The following KIF26A variants were observed in gnomAD, a reference collection of about 807,000 sequenced individuals.
KIF26A encodes kinesin family member 26A.
A neutral mutation model predicts 126.0 loss-of-function variants in KIF26A; 74 were observed. The ratio of observed to expected loss-of-function variants is 0.59; its 90% CI spans 0.49 to 0.71. The LOEUF (loss-of-function observed/expected upper bound fraction) is 0.71. Ranked by LOEUF, KIF26A falls within the 30% of genes least tolerant of loss-of-function variation. KIF26A has a pLI of 0.00. For missense variants in KIF26A, 2,984 were observed against 2,763.3 expected, an observed-to-expected ratio of 1.08 and a Z score of -1.79; for synonymous variants, 1,445 against 1,232.7, an observed-to-expected ratio of 1.17 and a Z score of -3.61.
At position 104,149,519 on chromosome 14, in the gene KIF26A, G is replaced by A. The variant is rs960691971; in HGVS notation, c.289-2496G>A. ...CCTCCAGCACTGGCCCCCAACACCTGGGACTTGGATGCCCGGAGCTCCGAG... is the reference window on the plus strand; with the variant it reads ...CCTCCAGCACTGGCCCCCAACACCTAGGACTTGGATGCCCGGAGCTCCGAG... On this transcript the variant is annotated intron_variant, in intron 2 of 14. Coordinates refer to ENST00000423312, the MANE Select transcript of KIF26A (RefSeq NM_015656.2). 2.0e-5 allele frequency among the ~76,000 whole-genome samples: 3 copies of A among 152,308 alleles called. No homozygotes were observed. The East Asian group carries it at 5.8e-4, about 29-fold the overall frequency.
At chr14:104,161,167 T>C (rs1169220354) in intron 4 of KIF26A, among the ~76,000 whole-genome samples, 4 of 152,222 alleles carry the variant, frequency 2.6e-5, no homozygotes, top group South Asian at 2.1e-4. Context: ...GAGGGGCTGA[T>C]GCCTCAGTCT....
chr14:104,175,380 C>T lies in KIF26A; in HGVS notation c.2592C>T (p.Thr864=), dbSNP rs374643377. Residue 864 remains threonine, a synonymous_variant, in exon 12 of 15, where the codon ACC becomes ACT. Coordinates refer to ENST00000423312, the MANE Select transcript of KIF26A (RefSeq NM_015656.2). ...NEGPSGGPGG[T]DGAQASPARG... ...GTCCCTCAGGAGGTCCAGGTGGCAC[C>T]GACGGAGCTCAGGCCAGCCCCGCCC... 1.3e-4 allele frequency: 214 copies of T among 1,598,242 alleles called. No individual in the cohort carries two copies. The African/African-American group carries it at 1.6e-3, about 12-fold the overall frequency.
intron 4 of KIF26A, among the ~76,000 whole-genome samples, chr14:104,161,659 C>T: frequency 6.6e-6 from 1 of 152,208 alleles, no homozygotes; most frequent in Admixed American, 6.5e-5. Context: ...TTCTGAGCTT[C>T]TTCTGTGAGC....
Position 104,139,041 on chromosome 14 carries a change from A to C in KIF26A, c.43-2A>C. ...GTCCGCTTCCGCCCCCACACCCTGC[A>C]GGTGGCCGAGGGCGGCCCGGCCCGC... is the stretch of plus-strand genomic sequence containing the variant. On this transcript the variant is annotated splice_acceptor_variant, in intron 1 of 14. Transcript: ENST00000423312. LOFTEE classifies it high-confidence loss of function. 1 of 1,362,854 alleles carries C rather than the reference A, an allele frequency of 7.3e-7. No homozygotes were observed. Among genetic ancestry groups the C allele is most frequent in the Non-Finnish European group, 9.4e-7 (1 of 1,066,712 alleles). The allele number at this position is 1,362,854 out of a possible 1,614,324, so 84.4% of individuals were successfully genotyped here. A position where few individuals can be genotyped will look rare whatever the true frequency, so the allele number is the denominator to read the frequency against.
rs2038043492 is a variant in KIF26A at position 104,177,325 on chromosome 14, C to A, written c.4537C>A (p.Pro1513Thr). ...GGCTGGTGGGTCGCGGGCTCTGGGG[C>A]CTTCGGTGAAGCTGTCTACGGCCTC... is the stretch of plus-strand genomic sequence containing the variant. ...LVAGGSRALGPSVKLSTASVT... is the reference protein window; with the variant it reads ...LVAGGSRALGTSVKLSTASVT... Residue 1513 changes from proline to threonine, a missense_variant, in exon 12 of 15, where the codon CCT becomes ACT. By Grantham distance (38) the Pro-to-Thr change is conservative. Transcript: ENST00000423312. 2 of 1,526,778 alleles carry A rather than the reference C, an allele frequency of 1.3e-6. No individual in the cohort carries two copies. Among genetic ancestry groups the A allele is most frequent in the Admixed American group, 2.1e-5 (1 of 48,526 alleles). The allele number at this position is 1,526,778 out of a possible 1,614,324, so 94.6% of individuals were successfully genotyped here.
At chr14:104,172,034 C>A in intron 6 of KIF26A, 99 bp downstream of exon 6, 1 of 1,190,614 alleles carries the variant, frequency 8.4e-7, no homozygotes. Context: ...GTGCAGGGCG[C>A]AGAGGAAGCG....
intron 4 of KIF26A, among the ~76,000 whole-genome samples, chr14:104,159,629 C>A (rs537437490): frequency 2.6e-4 from 40 of 152,366 alleles, no homozygotes; most frequent in Middle Eastern, 3.4e-3. Flanking sequence ...ACCAGCGCAT[C>A]GGGCTGGGGA....
intron 2 of KIF26A, among the ~76,000 whole-genome samples, chr14:104,141,691 C>A (rs74087178): frequency 6.8e-6 from 1 of 147,158 alleles, no homozygotes; most frequent in Non-Finnish European, 1.5e-5. Context: ...TGCCTGTCTC[C>A]GTTGTAGAGG....
intron 2 of KIF26A, among the ~76,000 whole-genome samples, chr14:104,147,374 G>A (rs1411032256): frequency 1.3e-5 from 2 of 152,218 alleles, no homozygotes; most frequent in Admixed American, 6.5e-5. Flanking sequence ...TGGCGTGCCG[G>A]CCAGTGCTGG....
At chr14:104,174,884 C>T in intron 11 of KIF26A, 98 bp from the exon 12 acceptor site, 2 of 1,291,862 alleles carry the variant, frequency 1.5e-6, no homozygotes, top group Non-Finnish European at 2.1e-6. Context: ...GTTTTCATCA[C>T]AGTGACCGCA....
intron 4 of KIF26A, among the ~76,000 whole-genome samples, chr14:104,160,087 G>A (rs1186152749): frequency 6.6e-6 from 1 of 152,192 alleles, no homozygotes; most frequent in African/African-American, 2.4e-5. Context: ...CCCTTGGGAA[G>A]TTTCCAGTCT....
chr14:104,176,121 C>T lies in KIF26A; in HGVS notation c.3333C>T (p.Ser1111=). ...GCAGCAGTCACGGCTCCTCCATCAG[C>T]TCCTGGCTCAGCGAGGTCAGCGTCT... ...WAGSSHGSSI[S]SWLSEVSVCT... The change falls in exon 12 of 15, where the codon AGC becomes AGT. Residue 1111 remains serine, a synonymous_variant. Coordinates refer to ENST00000423312, the MANE Select transcript of KIF26A (RefSeq NM_015656.2). The T allele has an allele frequency of 3.8e-6, 6 of 1,582,410 alleles. No individual in the cohort carries two copies. The highest frequency in any genetic ancestry group is 2.3e-5 in the East Asian group (1 of 43,216).
In KIF26A at chr14:104,138,740, C is replaced by T; in HGVS notation, c.18C>T (p.Val6=). 1 of 1,266,846 alleles carries T rather than the reference C, an allele frequency of 7.9e-7. No homozygotes were observed. Among genetic ancestry groups the T allele is most frequent in the Non-Finnish European group, 9.9e-7 (1 of 1,008,106 alleles). 78.5% of individuals were successfully genotyped at this position (1,266,846 alleles called of 1,614,324 possible). The stretch of plus-strand genomic sequence containing the variant: ...CCCCGGCCATGGTCGGCCGCGGCGT[C>T]CCTCTGTGCGCTGCGCAGCCCGCGG... MVGRG[V]PLCAAQPAVA... The change falls in exon 1 of 15, where the codon GTC becomes GTT. Residue 6 remains valine (V), a synonymous_variant. Coordinates refer to ENST00000423312, the MANE Select transcript of KIF26A (RefSeq NM_015656.2).
intron 4 of KIF26A, among the ~76,000 whole-genome samples, chr14:104,165,807 G>GTCTGTGTGTT (rs1555388977): frequency 7.0e-6 from 1 of 142,850 alleles, no homozygotes; most frequent in African/African-American, 2.5e-5. Flanking sequence ...GCATATGTGT[G>GTCTGTGTGTT]TCTGTGTGTT....
rs972904339 is a variant in KIF26A, at chr14:104,138,990, G to C, written c.43-53G>C. The stretch of plus-strand genomic sequence containing the variant: ...CTGGGGCAGGGCGCGCAGGGGTCTG[G>C]ATCCGACGGACGTCCCAGGCTCACT... On this transcript the variant is annotated intron_variant, in intron 1 of 14. Coordinates refer to ENST00000423312, the MANE Select transcript of KIF26A (RefSeq NM_015656.2). 64 of 1,323,084 alleles carry C rather than the reference G, an allele frequency of 4.8e-5. No individual in the cohort carries two copies. The African/African-American group carries it at 6.0e-4, about 12-fold the overall frequency. 82.0% of individuals were successfully genotyped at this position (1,323,084 alleles called of 1,614,324 possible). A position where few individuals can be genotyped will look rare whatever the true frequency, so the allele number is the denominator to read the frequency against.
intron 5 of KIF26A, among the ~76,000 whole-genome samples, chr14:104,167,736 C>T (rs2037920486): frequency 6.6e-6 from 1 of 152,148 alleles, no homozygotes; most frequent in South Asian, 2.1e-4. Flanking sequence ...CTCTTTGTGC[C>T]CATGGAGGGT....
In KIF26A at chr14:104,176,273, G is replaced by C. The variant is rs1392441091; in HGVS notation, c.3485G>C (p.Gly1162Ala). Residue 1162 changes from glycine (G) to alanine (A), a missense_variant, in exon 12 of 15, where the codon GGG becomes GCG. Gly to Ala is a moderately conservative substitution (Grantham distance 60). Transcript: ENST00000423312. Reference protein sequence around the residue: ...SLGDGSSGFLGPDRPDSPGPT... With the variant: ...SLGDGSSGFLAPDRPDSPGPT... ...GGGGATGGAAGCTCTGGGTTCCTGGGGCCAGACAGACCTGACAGTCCTGGG... is the reference window on the plus strand; with the variant it reads ...GGGGATGGAAGCTCTGGGTTCCTGGCGCCAGACAGACCTGACAGTCCTGGG... The C allele has an allele frequency of 6.3e-7, 1 of 1,594,866 alleles. No individual in the cohort carries two copies. Among genetic ancestry groups the C allele is most frequent in the South Asian group, 1.1e-5 (1 of 88,516 alleles).
chr14:104,175,944 C>T lies in KIF26A; in HGVS notation c.3156C>T (p.Thr1052=), dbSNP rs1038666450. The change falls in exon 12 of 15, where the codon ACC becomes ACT. Residue 1052 remains threonine (T), a synonymous_variant. Transcript: ENST00000423312. ...CGCTTGCCGGAGCTGGGCGGCCCAC[C>T]AGCCTGGCTAGCTTCGACAGTGACT... is the stretch of plus-strand genomic sequence containing the variant. ...LGALAGAGRP[T]SLASFDSDCS... 1.9e-6 allele frequency: 3 copies of T among 1,562,918 alleles called. No homozygotes were observed. In the South Asian group the frequency reaches 3.5e-5, roughly 18 times the overall value.
At chr14:104,169,940 GC>G (rs982540764) in intron 5 of KIF26A, among the ~76,000 whole-genome samples, 5 of 152,180 alleles carry the variant, frequency 3.3e-5, no homozygotes, top group African/African-American at 1.2e-4. Flanking sequence ...GCAGACAATG[GC>G]CTGCGCTGGG....
Sources: gnomAD v4.1 joint callset for allele counts (sites outside exome capture counted in the v4.1 genomes callset) on GRCh38, gnomAD v4.1.1 for gene constraint, MANE v1.5 for transcripts, NCBI Gene and HGNC (gene_info 2026-07-23, HGNC 2026-07-21) for gene names.